NRXN1: variants seen among roughly 807,000 people sequenced by gnomAD.
The protein encoded by NRXN1 is neurexin-1.
Under a neutral mutation model 150.9 loss-of-function variants are expected in NRXN1, and 39 were observed. That is an observed-to-expected ratio of 0.26 (90% confidence interval 0.20 to 0.34). The LOEUF (loss-of-function observed/expected upper bound fraction) is 0.34, where lower values mean the gene tolerates loss of function less well. NRXN1 is among the 10% of genes least tolerant of loss of function. NRXN1 has a pLI of 1.00. For synonymous variants in NRXN1, 924 were observed against 757.0 expected (o/e 1.22, Z -3.62); for missense variants, 1,815 against 1,949.9 (o/e 0.93, Z 1.30).
chr2:50,653,150 G>A (rs1460430201), intron 5 of NRXN1, among the ~76,000 whole-genome samples: 2 of 152,032 alleles, frequency 1.3e-5, no homozygotes, highest in South Asian at 2.1e-4. Flanking sequence ...TTATCTCCAT[G>A]AAGTTACTGA....
chr2:50,026,260 C>T (rs1410668107), intron 21 of NRXN1, among the ~76,000 whole-genome samples: 6 of 152,078 alleles, frequency 3.9e-5, no homozygotes, highest in African/African-American at 7.2e-5. Flanking sequence ...TCTGAAACAC[C>T]GTAATTTTTG....
At chr2:50,880,629 A>G (rs1489088317) in intron 5 of NRXN1, among the ~76,000 whole-genome samples, 2 of 152,098 alleles carry the variant, frequency 1.3e-5, no homozygotes, top group East Asian at 3.9e-4. Context: ...TTTACTCCAA[A>G]TGGCCAACAA....
At chr2:50,606,229 A>T (rs1677096161) in intron 8 of NRXN1, among the ~76,000 whole-genome samples, 1 of 147,372 alleles carries the variant, frequency 6.8e-6, no homozygotes, top group African/African-American at 2.5e-5. Context: ...TGCCTGGCCA[A>T]CAGAGTGAGA....
chr2:50,004,807 T>C (rs966306842), intron 21 of NRXN1, among the ~76,000 whole-genome samples: 2 of 152,162 alleles, frequency 1.3e-5, no homozygotes, highest in African/African-American at 4.8e-5. Flanking sequence ...AGTGGTAGGT[T>C]ATTCACATTC....
intron 9 of NRXN1, among the ~76,000 whole-genome samples, chr2:50,549,748 T>A (rs1248769739): frequency 6.6e-6 from 1 of 152,220 alleles, no homozygotes; most frequent in Non-Finnish European, 1.5e-5. Flanking sequence ...AAGTAGATTT[T>A]ATTCTGCTTG....
chr2:50,284,179 T>C (rs967575188), intron 17 of NRXN1, among the ~76,000 whole-genome samples: 3 of 152,214 alleles, frequency 2.0e-5, no homozygotes, highest in African/African-American at 7.2e-5. Flanking sequence ...CTTTGAGGAT[T>C]CTCTGTCAAC....
At chr2:50,428,770 A>T (rs939571803) in intron 17 of NRXN1, among the ~76,000 whole-genome samples, 3 of 152,216 alleles carry the variant, frequency 2.0e-5, no homozygotes, top group African/African-American at 7.2e-5. Flanking sequence ...CTATGCTAAG[A>T]GGTTTACATT....
chr2:50,188,218 G>A (rs1254594561), intron 18 of NRXN1, among the ~76,000 whole-genome samples: 3 of 151,924 alleles, frequency 2.0e-5, no homozygotes, highest in Non-Finnish European at 2.9e-5. Context: ...AAATAACACC[G>A]CACATCTACA....
intron 17 of NRXN1, among the ~76,000 whole-genome samples, chr2:50,289,642 T>C (rs73930333): frequency 0.061 from 9,272 of 152,224 alleles, 943 homozygotes; most frequent in African/African-American, 0.21. Context: ...AATTTTCAGG[T>C]AGGCTTAATT....
intron 18 of NRXN1, among the ~76,000 whole-genome samples, chr2:50,102,494 A>G (rs1228266396): frequency 6.6e-6 from 1 of 152,064 alleles, no homozygotes; most frequent in Non-Finnish European, 1.5e-5. Flanking sequence ...ACTTTTTACT[A>G]TACTCCTGGC....
chr2:50,432,499 T>C (rs1456970562), intron 17 of NRXN1, among the ~76,000 whole-genome samples: 1 of 152,234 alleles, frequency 6.6e-6, no homozygotes, highest in African/African-American at 2.4e-5. Context: ...ATAACTTCTA[T>C]ACTTCTTTCC....
At chr2:51,015,772 A>G (rs1668578816) in intron 2 of NRXN1, among the ~76,000 whole-genome samples, 2 of 152,226 alleles carry the variant, frequency 1.3e-5, no homozygotes, top group Middle Eastern at 3.4e-3. Flanking sequence ...ACAGAGGAAA[A>G]GAAAATGAAT....
intron 10 of NRXN1, 47 bp downstream of exon 10, chr2:50,538,206 A>T: frequency 6.4e-7 from 1 of 1,569,594 alleles, no homozygotes; most frequent in Middle Eastern, 1.9e-4. Context: ...AACATTTAAT[A>T]AACTTTTCAT....
chr2:50,054,211 T>C (rs1043060764), intron 20 of NRXN1, among the ~76,000 whole-genome samples: 1 of 150,944 alleles, frequency 6.6e-6, no homozygotes, highest in Non-Finnish European at 1.5e-5. Flanking sequence ...TTTTTCTGAT[T>C]GGCTTTCAGC....
chr2:50,388,030 C>A (rs777766579), intron 17 of NRXN1, among the ~76,000 whole-genome samples: 10 of 152,136 alleles, frequency 6.6e-5, no homozygotes, highest in African/African-American at 1.4e-4. Flanking sequence ...AGAGAGCAGT[C>A]CACAGCTTCA....
At chr2:50,256,334 T>C (rs920665247) in intron 17 of NRXN1, among the ~76,000 whole-genome samples, 1 of 152,160 alleles carries the variant, frequency 6.6e-6, no homozygotes, top group African/African-American at 2.4e-5. Flanking sequence ...GTTGGTTGGC[T>C]ACATAGGTTT....
At chr2:50,593,053 T>C (rs1674547869) in intron 8 of NRXN1, among the ~76,000 whole-genome samples, 1 of 152,214 alleles carries the variant, frequency 6.6e-6, no homozygotes, top group Non-Finnish European at 1.5e-5. Flanking sequence ...TCCCTTCACC[T>C]TGATGCTCTG....
chr2:50,286,203 C>T (rs1378985904), intron 17 of NRXN1, among the ~76,000 whole-genome samples: 1 of 152,072 alleles, frequency 6.6e-6, no homozygotes, highest in East Asian at 1.9e-4. Context: ...ACTGCAGTCA[C>T]CATGTACAAT....
intron 11 of NRXN1, among the ~76,000 whole-genome samples, chr2:50,530,518 TC>T (rs1053210605): frequency 4.9e-4 from 74 of 152,178 alleles, no homozygotes; most frequent in African/African-American, 1.7e-3. Context: ...GCCTGGTTTT[TC>T]CCCATAATTC....
Sources: allele counts gnomAD v4.1 joint callset (sites outside exome capture counted in the v4.1 genomes callset), GRCh38; gene constraint gnomAD v4.1.1; transcripts MANE v1.5; gene names NCBI Gene and HGNC (gene_info 2026-07-23, HGNC 2026-07-21).